ESRRG: variants seen among roughly 807,000 people sequenced by gnomAD.
The protein encoded by ESRRG is estrogen-related receptor gamma.
A neutral mutation model predicts 44.0 loss-of-function variants in ESRRG; 13 were observed. The observed-to-expected ratio is 0.30, with a 90% confidence interval of 0.19 to 0.47. The LOEUF is 0.47. Ranked by LOEUF, ESRRG falls within the 20% of genes least tolerant of loss-of-function variation. The pLI is 1.00. For synonymous variants in ESRRG, 215 were observed against 214.6 expected (o/e 1.00, Z -0.02); for missense variants, 395 against 580.6 (o/e 0.68, Z 3.29).
chr1:216,682,741 T>TGTGTGTGTGTGTGTGTG (rs1553496190), intron 1 of ESRRG, among the ~76,000 whole-genome samples: 22 of 151,214 alleles, frequency 1.5e-4, no homozygotes, highest in Middle Eastern at 3.4e-3. Flanking sequence ...TGTGTGTGTG[T>TGTGTGTGTGTGTGTGTG]TTTATGCTTT....
intron 2 of ESRRG, among the ~76,000 whole-genome samples, chr1:216,927,848 G>T (rs2062799782): frequency 6.6e-6 from 1 of 152,210 alleles, no homozygotes; most frequent in South Asian, 2.1e-4. Context: ...TTTAACCCAA[G>T]AGAACTTAGA....
At chr1:216,582,594 C>T (rs945463768) in intron 3 of ESRRG, among the ~76,000 whole-genome samples, 2 of 152,150 alleles carry the variant, frequency 1.3e-5, no homozygotes, top group South Asian at 2.1e-4. Context: ...GAATGTGCCA[C>T]TATGCCTGGC....
intron 1 of ESRRG, among the ~76,000 whole-genome samples, chr1:216,942,569 A>T (rs1236183550): frequency 6.6e-6 from 1 of 152,014 alleles, no homozygotes; most frequent in East Asian, 1.9e-4. Flanking sequence ...AACCCCACAA[A>T]CATCTGTTAT....
chr1:216,694,972 T>C (rs1472224939), intron 1 of ESRRG, among the ~76,000 whole-genome samples: 1 of 152,124 alleles, frequency 6.6e-6, no homozygotes, highest in African/African-American at 2.4e-5. Flanking sequence ...GACCACATCT[T>C]TGAACTCGGT....
intron 1 of ESRRG, among the ~76,000 whole-genome samples, chr1:217,026,910 C>CAGAGAGAGAGAGAGAGGGAGAGAGAGAG: frequency 1.0e-5 from 1 of 97,256 alleles, no homozygotes; most frequent in African/African-American, 4.0e-5. Context: ...CACACACACA[C>CAGAGAGAGAGAGAGAGGGAGAGAGAGAG]ACAGAGAGAG....
rs533792528 is a variant in ESRRG at position 216,505,496 on chromosome 1, T to C, written c.*1443A>G. ...GGCATTTGCCTTATTGCCTCTTAAA[T>C]GAATACTGGCTCACAGCTCCTTCTG... On this transcript the variant is annotated 3_prime_UTR_variant, in exon 7 of 7. Coordinates refer to ENST00000408911, the MANE Select transcript of ESRRG (RefSeq NM_001438.4). 5 of 152,730 alleles carry C rather than the reference T, an allele frequency of 3.3e-5. No homozygotes were observed. The highest frequency in any genetic ancestry group is 1.2e-4 in the African/African-American group (5 of 41,556). The allele number at this position is 152,730 out of a possible 1,614,324, so 9.5% of individuals were successfully genotyped here.
chr1:216,684,528 T>C (rs2077578611), intron 1 of ESRRG, among the ~76,000 whole-genome samples: 1 of 152,214 alleles, frequency 6.6e-6, no homozygotes, highest in African/African-American at 2.4e-5. Flanking sequence ...ATTGCATACA[T>C]GATGTTTTGC....
At chr1:216,991,072 T>C (rs1186894583) in intron 1 of ESRRG, among the ~76,000 whole-genome samples, 1 of 151,950 alleles carries the variant, frequency 6.6e-6, no homozygotes, top group African/African-American at 2.4e-5. Flanking sequence ...CATTAGATTC[T>C]CATAGAAGCA....
intron 5 of ESRRG, among the ~76,000 whole-genome samples, chr1:216,524,914 C>A (rs2047176569): frequency 6.6e-6 from 1 of 152,076 alleles, no homozygotes; most frequent in Non-Finnish European, 1.5e-5. Flanking sequence ...TCTACCAGTC[C>A]AAAACAGAAT....
chr1:216,703,820 G>A (rs1040909542), intron 1 of ESRRG, among the ~76,000 whole-genome samples: 19 of 151,724 alleles, frequency 1.3e-4, no homozygotes, highest in African/African-American at 4.6e-4. Flanking sequence ...GGTGAATGGG[G>A]GATAAACTTC....
chr1:216,585,807 G>A (rs949176177), intron 3 of ESRRG, among the ~76,000 whole-genome samples: 10 of 152,080 alleles, frequency 6.6e-5, no homozygotes, highest in Non-Finnish European at 1.3e-4. Flanking sequence ...TTGGGAGGCC[G>A]AGGTGGGCGG....
At chr1:216,632,423 T>C (rs2064389610) in intron 3 of ESRRG, among the ~76,000 whole-genome samples, 1 of 152,194 alleles carries the variant, frequency 6.6e-6, no homozygotes, top group Non-Finnish European at 1.5e-5. Context: ...TATATCTCAT[T>C]TGAGTTGAAG....
At chr1:216,974,719 T>C (rs562070628) in intron 1 of ESRRG, among the ~76,000 whole-genome samples, 2 of 152,066 alleles carry the variant, frequency 1.3e-5, no homozygotes, top group Non-Finnish European at 2.9e-5. Context: ...TCCTTCAAAG[T>C]TTTAGTCTGT....
At chr1:216,743,493 G>A (rs997372739) in intron 2 of ESRRG, among the ~76,000 whole-genome samples, 4 of 152,150 alleles carry the variant, frequency 2.6e-5, no homozygotes, top group African/African-American at 9.7e-5. Flanking sequence ...AATTTAGAGA[G>A]CTGGTTTAAA....
intron 2 of ESRRG, among the ~76,000 whole-genome samples, chr1:216,765,759 T>A (rs1424796661): frequency 6.6e-6 from 1 of 152,076 alleles, no homozygotes; most frequent in Non-Finnish European, 1.5e-5. Flanking sequence ...GGAGTTGCTT[T>A]TTTTCCTACT....
At chr1:217,132,759 T>C (rs2092983181) in intron 1 of ESRRG, among the ~76,000 whole-genome samples, 1 of 152,108 alleles carries the variant, frequency 6.6e-6, no homozygotes. Flanking sequence ...ACCCCGTCCT[T>C]GCCTCGTTTT....
At chr1:216,568,639 G>C (rs2060117320) in intron 3 of ESRRG, among the ~76,000 whole-genome samples, 1 of 152,154 alleles carries the variant, frequency 6.6e-6, no homozygotes. Flanking sequence ...CGCAAGAATT[G>C]TTCTCTATCA....
At chr1:217,017,524 G>C (rs889467845) in intron 1 of ESRRG, among the ~76,000 whole-genome samples, 1 of 147,818 alleles carries the variant, frequency 6.8e-6, no homozygotes, top group East Asian at 2.0e-4. Context: ...ACTGTTTGCA[G>C]TGTTCACTCT....
upstream of ESRRG, among the ~76,000 whole-genome samples, chr1:217,093,564 C>T (rs1217716939): frequency 1.3e-5 from 2 of 152,128 alleles, no homozygotes; most frequent in Admixed American, 1.3e-4. Flanking sequence ...GGGAGGATCG[C>T]TTCAACCCAG....
Sources: gnomAD v4.1 joint callset for allele counts (sites outside exome capture counted in the v4.1 genomes callset) on GRCh38, gnomAD v4.1.1 for gene constraint, MANE v1.5 for transcripts, NCBI Gene and HGNC (gene_info 2026-07-23, HGNC 2026-07-21) for gene names.